Variants in MXRA7 observed in about 807,000 individuals in gnomAD.
The protein encoded by MXRA7 is matrix remodeling associated 7.
In MXRA7, 18 loss-of-function variants were observed where a neutral mutation model predicts 17.4. The observed-to-expected ratio is 1.03, with a 90% CI of 0.71 to 1.53. MXRA7 has a LOEUF of 1.53. MXRA7 is among the 40% of genes most tolerant of loss of function. MXRA7 has a pLI of 0.00. For missense variants in MXRA7, 141 were observed against 209.3 expected, an observed-to-expected ratio of 0.67 and a Z score of 2.01; for synonymous variants, 70 against 101.7, an observed-to-expected ratio of 0.69 and a Z score of 1.87.
intron 1 of MXRA7, among the ~76,000 whole-genome samples, chr17:76,692,895 A>G (rs1372538716): frequency 2.6e-5 from 4 of 152,026 alleles, no homozygotes; most frequent in African/African-American, 9.7e-5. Flanking sequence ...TTCCAGCTTC[A>G]CCAGGTTCCA....
At position 76,710,711 on chromosome 17, in the gene MXRA7, C is replaced by A; in HGVS notation, c.236G>T (p.Gly79Val). The A allele has an allele frequency of 5.9e-6, 7 of 1,194,732 alleles. No homozygotes were observed. Among genetic ancestry groups the A allele is most frequent in the Non-Finnish European group, 7.3e-6 (7 of 953,478 alleles). 74.0% of individuals were successfully genotyped at this position (1,194,732 alleles called of 1,614,324 possible). The part of the protein sequence containing the change: ...AGPEEPGEPA[G>V]LGELGEPAGP... ...CGCAGGCTCCCCGAGCTCCCCCAGC[C>A]CCGCGGGCTCTCCAGGCTCCTCCGG... Residue 79 changes from glycine (G) to valine (V), a missense_variant, in exon 1 of 4, where the codon GGG becomes GTG. Physicochemically the swap from Gly to Val is moderately radical, Grantham distance 109 (BLOSUM62 -3). This residue lies in a region of MXRA7 where 72 missense variants were observed against 111.9 expected (regional missense o/e 0.64). Coordinates refer to ENST00000449428, the MANE Select transcript of MXRA7 (RefSeq NM_198530.4).
At chr17:76,695,759 A>T (rs983598361) in intron 1 of MXRA7, among the ~76,000 whole-genome samples, 3 of 152,204 alleles carry the variant, frequency 2.0e-5, no homozygotes, top group African/African-American at 7.2e-5. Flanking sequence ...GGCTCTACAG[A>T]CTTGGGTATG....
chr17:76,701,102 C>G (rs1210628022), intron 1 of MXRA7, among the ~76,000 whole-genome samples: 1 of 151,966 alleles, frequency 6.6e-6, no homozygotes, highest in African/African-American at 2.4e-5. Flanking sequence ...GGGGTGTGCT[C>G]TCTGCGCTAG....
In MXRA7 at chr17:76,688,218, G is replaced by C. The variant is rs759998942; in HGVS notation, c.343-42C>G. On this transcript the variant is annotated intron_variant, in intron 1 of 3. Transcript: ENST00000449428. ...GGGTCAGTGCCCTTGGCACAGACTG[G>C]GTGATGGGAAGTGGTGGGGGGGCAG... is the stretch of plus-strand genomic sequence containing the variant. The C allele has an allele frequency of 7.4e-6, 12 of 1,612,738 alleles. No homozygotes were observed. In the Admixed American group the frequency reaches 1.8e-4, roughly 25 times the overall value.
intron 1 of MXRA7, chr17:76,703,520 TGAGGTAGG>T (rs1424141185): frequency 2.0e-5 from 3 of 152,124 alleles, no homozygotes; most frequent in Admixed American, 6.5e-5. Flanking sequence ...CTCGGGCGGC[TGAGGTAGG>T]AGGATGGCTT....
chr17:76,678,114 G>A (rs577190877), downstream of MXRA7, among the ~76,000 whole-genome samples: 2 of 152,184 alleles, frequency 1.3e-5, no homozygotes, highest in Non-Finnish European at 2.9e-5. Context: ...CCTTCGTTGA[G>A]AGGAATGAGC....
At chr17:76,684,719 G>A in intron 3 of MXRA7, 1 of 439,562 alleles carries the variant, frequency 2.3e-6, no homozygotes, top group South Asian at 1.8e-5. Context: ...CTGTGTGTGT[G>A]AGTGACAGCC....
chr17:76,695,243 A>C (rs189506603), intron 1 of MXRA7, among the ~76,000 whole-genome samples: 150 of 152,306 alleles, frequency 9.8e-4, no homozygotes, highest in African/African-American at 3.2e-3. Context: ...GTGTGGACAC[A>C]ACAGAAAAGT....
rs56067261 is a variant in MXRA7 at position 76,707,291 on chromosome 17, C to CTTTTTTTTTTTT, written c.342+3302_342+3313dup. Among the ~76,000 whole-genome samples, 73 of 96,106 alleles carry CTTTTTTTTTTTT rather than the reference C, an allele frequency of 7.6e-4. 6 individuals carry two copies. The highest frequency in any genetic ancestry group is 2.3e-3 in the East Asian group (6 of 2,650). The allele number at this position is 96,106 out of a possible 152,430, so 63.0% of individuals were successfully genotyped here. On this transcript the variant is annotated intron_variant, in intron 1 of 3. Coordinates refer to ENST00000449428, the MANE Select transcript of MXRA7 (RefSeq NM_198530.4). ...CACTGCCTTGCAGGAAGTCCCTACT[C>CTTTTTTTTTTTT]TTTTTTTTTTTTTTTTTTTTTTTTT...
At position 76,688,113 on chromosome 17, in the gene MXRA7, C is replaced by G. The variant is rs148321731; in HGVS notation, c.406G>C (p.Gly136Arg). Residue 136 changes from glycine (G) to arginine (R), a missense_variant and splice_region_variant, in exon 2 of 4, where the codon GGA (glycine) becomes CGA (arginine). Transcript: ENST00000449428. ...PSSEGPEEED[G>R]EGFSFKYSPG... ...TCATGAGCGCAGAGGTCCCACTCAC[C>G]GTCCTCCTCCTCAGGCCCTTCCGAT... The G allele has an allele frequency of 2.1e-5, 34 of 1,613,412 alleles. No individual in the cohort carries two copies. The highest frequency in any genetic ancestry group is 2.9e-5 in the Non-Finnish European group (34 of 1,179,948).
chr17:76,679,287 C>CA (rs71158050), downstream of MXRA7, among the ~76,000 whole-genome samples: 78,234 of 121,570 alleles, frequency 0.64, 25,735 homozygotes, highest in Non-Finnish European at 0.77. Context: ...GGCCCTGTCT[C>CA]AAAAAAAAAA....
intron 1 of MXRA7, among the ~76,000 whole-genome samples, chr17:76,704,488 A>G (rs1412454655): frequency 7.0e-6 from 1 of 142,716 alleles, no homozygotes; most frequent in East Asian, 2.3e-4. Context: ...TACAGTCGTG[A>G]GCCACCGCGC....
chr17:76,706,422 A>G (rs72490463), intron 1 of MXRA7, among the ~76,000 whole-genome samples: 4,791 of 102,370 alleles, frequency 0.047, 758 homozygotes, highest in African/African-American at 0.12. Context: ...CCACACTGCC[A>G]TCACAAAGGA....
chr17:76,680,930 C>G, intron 3 of MXRA7, 51 bp from the exon 4 acceptor site: 1 of 1,457,552 alleles, frequency 6.9e-7, no homozygotes, highest in Non-Finnish European at 9.5e-7. Context: ...TCATTCCATC[C>G]TGCACCATGG....
chr17:76,696,206 G>A (rs1379432325), intron 1 of MXRA7, among the ~76,000 whole-genome samples: 1 of 152,108 alleles, frequency 6.6e-6, no homozygotes, highest in Non-Finnish European at 1.5e-5. Context: ...GAAGTGAGAA[G>A]CCACCTGAAA....
At chr17:76,698,228 C>G (rs1038371102) in intron 1 of MXRA7, among the ~76,000 whole-genome samples, 7 of 152,288 alleles carry the variant, frequency 4.6e-5, no homozygotes, top group African/African-American at 1.7e-4. Context: ...AACAGGAAGG[C>G]GACAAGGGGC....
At chr17:76,684,975 G>T in intron 3 of MXRA7, 97 bp downstream of exon 3, 1 of 982,570 alleles carries the variant, frequency 1.0e-6, no homozygotes, top group Non-Finnish European at 1.6e-6. Context: ...CCTCCTTTCT[G>T]GGCCCTTCTG....
intron 1 of MXRA7, among the ~76,000 whole-genome samples, chr17:76,704,378 T>C (rs1479651302): frequency 6.6e-6 from 1 of 150,636 alleles, no homozygotes; most frequent in Non-Finnish European, 1.5e-5. Flanking sequence ...GCTAATTTTT[T>C]GTATTTTTAG....
intron 1 of MXRA7, among the ~76,000 whole-genome samples, chr17:76,700,485 C>T (rs2076578145): frequency 6.6e-6 from 1 of 152,298 alleles, no homozygotes; most frequent in East Asian, 1.9e-4. Context: ...GGCGGCTGTG[C>T]AGGGCGCTGG....
Sources: allele counts gnomAD v4.1 joint callset (sites outside exome capture counted in the v4.1 genomes callset), GRCh38; gene constraint gnomAD v4.1.1; regional missense constraint gnomAD v4.1.1; transcripts MANE v1.5; gene names NCBI Gene and HGNC (gene_info 2026-07-23, HGNC 2026-07-21).